The following RELN variants were observed in gnomAD, a reference collection of about 807,000 sequenced individuals.
The protein encoded by RELN is reelin.
RELN carries 108 observed loss-of-function variants against 427.6 expected under a neutral mutation model. That is an observed-to-expected ratio of 0.25 (90% CI 0.22 to 0.30). The LOEUF is 0.30. Ranked by LOEUF, RELN falls within the 10% of genes least tolerant of loss-of-function variation. The pLI is 1.00. For synonymous variants in RELN, 1,524 were observed against 1,513.4 expected (o/e 1.01, Z -0.16); for missense variants, 3,715 against 4,302.8 (o/e 0.86, Z 3.82).
At chr7:103,481,520 G>A (rs1465468417) in intron 63 of RELN, among the ~76,000 whole-genome samples, 1 of 152,156 alleles carries the variant, frequency 6.6e-6, no homozygotes, top group Non-Finnish European at 1.5e-5. Flanking sequence ...TTTAAAACAA[G>A]AATGATGCCC....
At chr7:103,715,497 T>C (rs1034825900) in intron 8 of RELN, among the ~76,000 whole-genome samples, 8 of 152,208 alleles carry the variant, frequency 5.3e-5, no homozygotes, top group Non-Finnish European at 1.2e-4. Flanking sequence ...GCGTGATTTA[T>C]TGTACTTAAT....
chr7:103,776,853 G>A (rs1229596716), intron 3 of RELN, among the ~76,000 whole-genome samples: 1 of 152,214 alleles, frequency 6.6e-6, no homozygotes, highest in Non-Finnish European at 1.5e-5. Flanking sequence ...CACTGTAACA[G>A]TTGTGAGCTT....
chr7:103,917,236 A>G, intron 1 of RELN, 51 bp from the exon 2 acceptor site: 1 of 1,323,344 alleles, frequency 7.6e-7, no homozygotes. Flanking sequence ...AGAATAACAC[A>G]ATATATTTCT....
In RELN at chr7:103,652,568, C is replaced by G. The variant is rs138532222; in HGVS notation, c.1746G>C (p.Thr582=). The change falls in exon 14 of 65, where the codon ACG becomes ACC. Residue 582 remains threonine (T), a synonymous_variant. Coordinates refer to ENST00000428762, the MANE Select transcript of RELN (RefSeq NM_005045.4). The part of the protein sequence containing the change: ...IQFSINLGCG[T]HQPGNSVSLE... ...CTTCCTACCTGTTACCAGGCTGATG[C>G]GTTCCACATCCCAGATTGATGGAAA... 1 of 1,612,464 alleles carries G rather than the reference C, an allele frequency of 6.2e-7. No homozygotes were observed. The highest frequency in any genetic ancestry group is 1.1e-5 in the South Asian group (1 of 91,062).
In RELN at chr7:103,565,344, G is replaced by C; in HGVS notation, c.5144C>G (p.Ser1715Ter). The C allele has an allele frequency of 6.2e-7, 1 of 1,614,092 alleles. No individual in the cohort carries two copies. Among genetic ancestry groups the C allele is most frequent in the Non-Finnish European group, 8.5e-7 (1 of 1,180,004 alleles). Residue 1715 changes from serine (S) to a stop codon, truncating the protein, a stop_gained, in exon 34 of 65, where the codon TCA (serine) becomes TGA (stop). Coordinates refer to ENST00000428762, the MANE Select transcript of RELN (RefSeq NM_005045.4). LOFTEE classifies it high-confidence loss of function. ...CTGGAATCTTTCCGAGGTGTAAATT[G>C]AACTTTCCGTGTAATGCAGACAGCC... The part of the protein sequence containing the change: ...TIGCLHYTES[S>*]IYTSERFQNW...
At chr7:103,608,539 CTATT>C (rs1353304254) in intron 22 of RELN, among the ~76,000 whole-genome samples, 1 of 151,960 alleles carries the variant, frequency 6.6e-6, no homozygotes, top group Non-Finnish European at 1.5e-5. Context: ...ATAATATTAA[CTATT>C]TATTAAAAGA....
intron 1 of RELN, among the ~76,000 whole-genome samples, chr7:103,924,897 CCCTCTACATTGCCTTT>C (rs1410805077): frequency 6.6e-6 from 1 of 151,794 alleles, no homozygotes; most frequent in Non-Finnish European, 1.5e-5. Flanking sequence ...CCTACTCAAT[CCCTCTACATTGCCTTT>C]CCTCTTCTTT....
chr7:103,520,954 G>GTTTTT (rs1462369530), intron 48 of RELN, among the ~76,000 whole-genome samples: 1,149 of 77,838 alleles, frequency 0.015, 133 homozygotes, highest in East Asian at 0.029. Flanking sequence ...CAGTAAATTT[G>GTTTTT]TTATTTTTTT....
At chr7:103,476,974 G>T (rs528349565) in intron 64 of RELN, among the ~76,000 whole-genome samples, 1 of 152,100 alleles carries the variant, frequency 6.6e-6, no homozygotes, top group Non-Finnish European at 1.5e-5. Context: ...TCATCCCAAG[G>T]CACATCAGCT....
intron 6 of RELN, among the ~76,000 whole-genome samples, chr7:103,742,696 C>G (rs143794588): frequency 6.6e-6 from 1 of 151,928 alleles, no homozygotes; most frequent in South Asian, 2.1e-4. Context: ...TGAAATGAAG[C>G]GAGAAGAGAA....
At chr7:103,866,780 A>G (rs934917545) in intron 2 of RELN, among the ~76,000 whole-genome samples, 6 of 152,038 alleles carry the variant, frequency 3.9e-5, no homozygotes, top group African/African-American at 1.4e-4. Context: ...AATAACGAAT[A>G]ATATATAGGT....
At chr7:103,589,853 A>C in intron 27 of RELN, 25 bp from the exon 28 acceptor site, 1 of 1,496,874 alleles carries the variant, frequency 6.7e-7, no homozygotes, top group East Asian at 2.3e-5. Context: ...GACAAGAATT[A>C]TACAAGATTT....
intron 3 of RELN, among the ~76,000 whole-genome samples, chr7:103,819,666 C>G (rs922365203): frequency 2.0e-5 from 3 of 151,918 alleles, no homozygotes; most frequent in African/African-American, 7.2e-5. Context: ...CAGAACAAAT[C>G]TGAGATCCAT....
intron 3 of RELN, among the ~76,000 whole-genome samples, chr7:103,808,295 T>C (rs1007685599): frequency 6.6e-6 from 1 of 151,204 alleles, no homozygotes; most frequent in African/African-American, 2.4e-5. Context: ...TAGCATTAGG[T>C]GATATACCTA....
In RELN at chr7:103,603,430, A is replaced by G. The variant is rs774113517; in HGVS notation, c.3207T>C (p.Ile1069=). ...CATTCTGGTTCTCAAAATCTGACATAATTGTGGACGGAAGGGCAGCTTCTG... is the reference window on the plus strand; with the variant it reads ...CATTCTGGTTCTCAAAATCTGACATGATTGTGGACGGAAGGGCAGCTTCTG... The part of the protein sequence containing the change: ...CHPEAALPST[I]MSDFENQNGW... The change falls in exon 24 of 65, where the codon ATT becomes ATC. Residue 1069 remains isoleucine (I), a synonymous_variant. Transcript: ENST00000428762. The surrounding 1 kb of genome is among the most constrained non-coding windows in gnomAD (Gnocchi z 4.3). The G allele has an allele frequency of 1.9e-5, 30 of 1,613,740 alleles. 1 individual carries two copies. In the Middle Eastern group the frequency reaches 4.9e-4, roughly 27 times the overall value.
chr7:103,744,314 A>C (rs1790756014), intron 6 of RELN, among the ~76,000 whole-genome samples: 1 of 152,042 alleles, frequency 6.6e-6, no homozygotes, highest in Admixed American at 6.5e-5. Context: ...GAAAGCAGGA[A>C]AGATCCAAAA....
intron 1 of RELN, among the ~76,000 whole-genome samples, chr7:103,918,833 G>A (rs1243742498): frequency 6.6e-6 from 1 of 152,086 alleles, no homozygotes; most frequent in African/African-American, 2.4e-5. Context: ...ATGCTTTCCA[G>A]AGTGCAAGAC....
Position 103,652,775 on chromosome 7 carries a change from G to A in RELN, c.1555-16C>T. On this transcript the variant is annotated splice_polypyrimidine_tract_variant and intron_variant, in intron 13 of 64. Coordinates refer to ENST00000428762, the MANE Select transcript of RELN (RefSeq NM_005045.4). ...AAGACGGAACCTTTCAAACAAAGGAGACCAGAATCACTCAAAATCCTTTCT... is the reference window on the plus strand; with the variant it reads ...AAGACGGAACCTTTCAAACAAAGGAAACCAGAATCACTCAAAATCCTTTCT... The A allele has an allele frequency of 1.2e-6, 2 of 1,609,452 alleles. No individual in the cohort carries two copies. Among genetic ancestry groups the A allele is most frequent in the Non-Finnish European group, 1.7e-6 (2 of 1,176,450 alleles).
chr7:103,938,256 G>A (rs1157369325), intron 1 of RELN, among the ~76,000 whole-genome samples: 1 of 151,918 alleles, frequency 6.6e-6, no homozygotes, highest in Non-Finnish European at 1.5e-5. Context: ...GGAGGTGGAG[G>A]TTGCAGTGAG....
Sources: allele counts gnomAD v4.1 joint callset (sites outside exome capture counted in the v4.1 genomes callset), GRCh38; gene constraint gnomAD v4.1.1; non-coding constraint Gnocchi (gnomAD v3.1); transcripts MANE v1.5; gene names NCBI Gene and HGNC (gene_info 2026-07-23, HGNC 2026-07-21).